PDE11A: variants seen among roughly 807,000 people sequenced by gnomAD.
PDE11A encodes the protein dual 3',5'-cyclic-AMP and -GMP phosphodiesterase 11A.
Under a neutral mutation model 100.5 loss-of-function variants are expected in PDE11A, and 100 were observed. The ratio of observed to expected loss-of-function variants is 1.00; its 90% CI spans 0.85 to 1.18. PDE11A has a LOEUF of 1.18. Ranked by LOEUF, PDE11A falls within the 50% of genes most tolerant of loss-of-function variation. The pLI, the probability that PDE11A is intolerant of heterozygous loss-of-function variation, is 0.00. For synonymous variants in PDE11A, 381 were observed against 420.8 expected (o/e 0.91, Z 1.16); for missense variants, 1,141 against 1,152.6 (o/e 0.99, Z 0.15).
chr2:177,996,184 G>A (rs2086071746), intron 2 of PDE11A, among the ~76,000 whole-genome samples: 1 of 151,344 alleles, frequency 6.6e-6, no homozygotes, highest in African/African-American at 2.4e-5. Flanking sequence ...CCGAGATCTC[G>A]CTACTGCACT....
intron 2 of PDE11A, among the ~76,000 whole-genome samples, chr2:177,960,702 A>G (rs1233074438): frequency 6.6e-6 from 1 of 152,238 alleles, no homozygotes; most frequent in African/African-American, 2.4e-5. Context: ...AATCTAATAT[A>G]ACACATTAAT....
rs2080639885 is a variant in PDE11A at position 177,669,423 on chromosome 2, G to T, written c.2562+70C>A. On this transcript the variant is annotated intron_variant, in intron 18 of 19. Transcript: ENST00000286063. ...TTTCAGTCTTTCCCATTTCCAACTT[G>T]TAATTTGGAGTTCTTTTTGAAAATG... is the stretch of plus-strand genomic sequence containing the variant. 1.3e-5 allele frequency: 10 copies of T among 784,776 alleles called. No individual in the cohort carries two copies. The South Asian group carries it at 1.4e-4, about 11-fold the overall frequency. The allele number at this position is 784,776 out of a possible 1,614,324, so 48.6% of individuals were successfully genotyped here.
chr2:178,060,602 G>A (rs2086956101), intron 1 of PDE11A, among the ~76,000 whole-genome samples: 1 of 152,168 alleles, frequency 6.6e-6, no homozygotes, highest in Non-Finnish European at 1.5e-5. Context: ...CTTGGATATG[G>A]TGGAACTGGG....
chr2:177,722,272 A>G (rs1016607107), intron 12 of PDE11A, among the ~76,000 whole-genome samples: 2 of 152,150 alleles, frequency 1.3e-5, no homozygotes, highest in African/African-American at 2.4e-5. Flanking sequence ...CACTTTTACA[A>G]TTTACATGTC....
At chr2:177,712,447 G>A (rs1002189692) in intron 12 of PDE11A, among the ~76,000 whole-genome samples, 1 of 151,590 alleles carries the variant, frequency 6.6e-6, no homozygotes, top group Non-Finnish European at 1.5e-5. Flanking sequence ...ATTCATATTA[G>A]GTTGGTAGAC....
chr2:178,054,667 C>T (rs2086875112), intron 1 of PDE11A, among the ~76,000 whole-genome samples: 1 of 152,028 alleles, frequency 6.6e-6, no homozygotes, highest in Admixed American at 6.6e-5. Context: ...ATCAAACAAC[C>T]TCATAAAAAA....
chr2:178,010,021 TG>T (rs1463474716), intron 2 of PDE11A, among the ~76,000 whole-genome samples: 1 of 152,242 alleles, frequency 6.6e-6, no homozygotes, highest in African/African-American at 2.4e-5. Context: ...TACTTTAGTC[TG>T]GCTTTGAAAT....
intron 1 of PDE11A, among the ~76,000 whole-genome samples, chr2:178,032,483 CAAAA>C (rs11357476): frequency 2.3e-5 from 3 of 128,344 alleles, no homozygotes; most frequent in Non-Finnish European, 3.3e-5. Flanking sequence ...GACCCCATCT[CAAAA>C]AAAAAAAAAA....
intron 9 of PDE11A, among the ~76,000 whole-genome samples, chr2:177,810,584 G>A (rs1204288515): frequency 6.6e-6 from 1 of 152,138 alleles, no homozygotes; most frequent in Non-Finnish European, 1.5e-5. Context: ...AGAGAAACAG[G>A]TAGCTGGTCT....
intron 16 of PDE11A, among the ~76,000 whole-genome samples, chr2:177,677,304 G>A (rs376513186): frequency 6.6e-6 from 1 of 152,036 alleles, no homozygotes. Context: ...TCTTATTAAA[G>A]TTAAAAAAAT....
At chr2:177,767,611 G>T (rs1336055734) in intron 10 of PDE11A, among the ~76,000 whole-genome samples, 1 of 151,888 alleles carries the variant, frequency 6.6e-6, no homozygotes, top group Non-Finnish European at 1.5e-5. Context: ...AAATATTTTT[G>T]ATGGAAAATG....
intron 19 of PDE11A, among the ~76,000 whole-genome samples, chr2:177,656,879 T>C (rs2080394431): frequency 6.6e-6 from 1 of 152,096 alleles, no homozygotes; most frequent in Non-Finnish European, 1.5e-5. Flanking sequence ...GTCCTGAGCT[T>C]GGGCAAAGGG....
chr2:177,725,326 T>C (rs900054702), intron 12 of PDE11A, among the ~76,000 whole-genome samples: 1 of 152,178 alleles, frequency 6.6e-6, no homozygotes, highest in Admixed American at 6.5e-5. Context: ...GAGAAACAAA[T>C]GTTGACACTT....
chr2:178,014,312 T>C lies in PDE11A; in HGVS notation c.1061A>G (p.Asp354Gly), dbSNP rs1332412348. 2 of 1,612,346 alleles carry C rather than the reference T, an allele frequency of 1.2e-6. No homozygotes were observed. Among genetic ancestry groups the C allele is most frequent in the Non-Finnish European group, 1.7e-6 (2 of 1,178,436 alleles). ...GGCATGAAATCTTACTTTTTCATCA[T>C]CTTCAGTAAATGGAGCTCCTTCAGG... ...KIPEGAPFTE[D>G]DEKVMQMYLP... Residue 354 changes from aspartate (D) to glycine (G), a missense_variant, in exon 2 of 20, where the codon GAT (aspartate) becomes GGT (glycine). Coordinates refer to ENST00000286063, the MANE Select transcript of PDE11A (RefSeq NM_016953.4).
At chr2:177,899,660 T>TATG in intron 3 of PDE11A, 1 of 174,218 alleles carries the variant, frequency 5.7e-6, no homozygotes. Flanking sequence ...ATATATGTAA[T>TATG]TTACATTTAG....
chr2:177,798,896 C>A (rs1200418661), intron 9 of PDE11A, among the ~76,000 whole-genome samples: 1 of 152,154 alleles, frequency 6.6e-6, no homozygotes, highest in African/African-American at 2.4e-5. Context: ...CTAAAGACTA[C>A]AGTGTAGAAA....
chr2:178,072,707 T>C lies in PDE11A; in HGVS notation c.-270A>G. 6.5e-6 allele frequency: 9 copies of C among 1,384,164 alleles called. No individual in the cohort carries two copies. The highest frequency in any genetic ancestry group is 8.4e-6 in the Non-Finnish European group (9 of 1,067,746). The allele number at this position is 1,384,164 out of a possible 1,614,324, so 85.7% of individuals were successfully genotyped here. ...GCTGCCGCCGCTGCCCCGGCTCCTG[T>C]TCCGGAAACCCGAGCTATCGCTGCT... On this transcript the variant is annotated 5_prime_UTR_variant, in exon 1 of 20. Coordinates refer to ENST00000286063, the MANE Select transcript of PDE11A (RefSeq NM_016953.4).
At chr2:178,048,138 G>C (rs1186560145) in intron 1 of PDE11A, among the ~76,000 whole-genome samples, 1 of 152,198 alleles carries the variant, frequency 6.6e-6, no homozygotes, top group Non-Finnish European at 1.5e-5. Flanking sequence ...ATGGTGACTT[G>C]AATCAGAGTT....
At chr2:178,100,908 T>A (rs2087552057) in intron 2 of PDE11A, among the ~76,000 whole-genome samples, 1 of 152,188 alleles carries the variant, frequency 6.6e-6, no homozygotes, top group Non-Finnish European at 1.5e-5. Context: ...AAATTGTGCT[T>A]ATAACAGGAT....
Sources: allele counts gnomAD v4.1 joint callset (sites outside exome capture counted in the v4.1 genomes callset), GRCh38; gene constraint gnomAD v4.1.1; transcripts MANE v1.5; gene names NCBI Gene and HGNC (gene_info 2026-07-23, HGNC 2026-07-21).